The following MYO16 variants were observed in gnomAD, a reference collection of about 807,000 sequenced individuals.
MYO16 encodes the protein myosin XVI, also known as unconventional myosin-XVI.
A neutral mutation model predicts 205.3 loss-of-function variants in MYO16; 94 were observed. That is an observed-to-expected ratio of 0.46 (90% confidence interval 0.39 to 0.54). The LOEUF is 0.54. Ranked by LOEUF, MYO16 falls within the 20% of genes least tolerant of loss-of-function variation. The pLI is 0.00. For synonymous variants in MYO16, 988 were observed against 954.0 expected, an observed-to-expected ratio of 1.04 and a Z score of -0.66; for missense variants, 2,315 against 2,387.5, an observed-to-expected ratio of 0.97 and a Z score of 0.63.
chr13:109,073,649 G>A (rs1267028228), intron 27 of MYO16, among the ~76,000 whole-genome samples: 2 of 152,138 alleles, frequency 1.3e-5, no homozygotes, highest in African/African-American at 2.4e-5. Flanking sequence ...GACTGCCTAT[G>A]CTATGTATTA....
intron 9 of MYO16, among the ~76,000 whole-genome samples, chr13:108,833,451 C>T (rs1876729804): frequency 1.3e-5 from 2 of 152,076 alleles, no homozygotes; most frequent in African/African-American, 2.4e-5. Flanking sequence ...GTAGGAGTAA[C>T]GTTGAGAACT....
chr13:108,741,796 G>A (rs1460385769), intron 4 of MYO16, among the ~76,000 whole-genome samples: 2 of 152,148 alleles, frequency 1.3e-5, no homozygotes, highest in Non-Finnish European at 2.9e-5. Context: ...TTGAAGCCCA[G>A]TATACTTTAG....
At chr13:108,520,559 C>T in the MYO16 span, among the ~76,000 whole-genome samples, 1 of 152,218 alleles carries the variant, frequency 6.6e-6, no homozygotes, top group South Asian at 2.1e-4. Flanking sequence ...AAATATGGCA[C>T]ATTAAACAAA....
intron 1 of MYO16, among the ~76,000 whole-genome samples, chr13:108,596,844 A>T (rs1213668042): frequency 6.6e-6 from 1 of 152,214 alleles, no homozygotes; most frequent in African/African-American, 2.4e-5. Flanking sequence ...CGAAACAATC[A>T]CTACCATTTG....
chr13:108,895,789 C>T (rs755915791), intron 14 of MYO16, among the ~76,000 whole-genome samples: 4 of 152,132 alleles, frequency 2.6e-5, no homozygotes, highest in Non-Finnish European at 5.9e-5. Flanking sequence ...ACACATCACC[C>T]GTTAGAACAC....
intron 16 of MYO16, among the ~76,000 whole-genome samples, chr13:108,928,154 C>T (rs889576356): frequency 1.3e-5 from 2 of 152,120 alleles, no homozygotes; most frequent in Non-Finnish European, 2.9e-5. Context: ...GGAGCAGCTT[C>T]CATGAAAGAG....
intron 34 of MYO16, among the ~76,000 whole-genome samples, chr13:109,185,422 A>T (rs1420732164): frequency 2.0e-5 from 3 of 152,132 alleles, no homozygotes; most frequent in Non-Finnish European, 4.4e-5. Context: ...CTAAAAGCTT[A>T]CTTGCTCTTG....
chr13:109,020,482 C>A (rs1042798452), intron 23 of MYO16, among the ~76,000 whole-genome samples: 1 of 152,090 alleles, frequency 6.6e-6, no homozygotes, highest in African/African-American at 2.4e-5. Flanking sequence ...TTTTCCATAT[C>A]TTAACCTGCC....
At chr13:109,086,050 A>G (rs1289651780) in intron 27 of MYO16, among the ~76,000 whole-genome samples, 1 of 152,310 alleles carries the variant, frequency 6.6e-6, no homozygotes, top group South Asian at 2.1e-4. Context: ...TGAAAAATAG[A>G]TTTATAGAGA....
rs186419515 is a variant in MYO16 at position 108,830,972 on chromosome 13, T to C, written c.1097+7694T>C. Among the ~76,000 whole-genome samples, 82 of 152,274 alleles carry C rather than the reference T, an allele frequency of 5.4e-4. 1 individual carries two copies. Among genetic ancestry groups the C allele is most frequent in the African/African-American group, 1.9e-3 (81 of 41,566 alleles). On this transcript the variant is annotated intron_variant, in intron 9 of 34. Transcript: ENST00000457511. Reference sequence around the variant, plus strand: ...TCTTTACATCTGTTTCTGTTAGTAATAATATTTTTATTACAAATTCAAATT... The same window carrying C: ...TCTTTACATCTGTTTCTGTTAGTAACAATATTTTTATTACAAATTCAAATT...
the MYO16 span, among the ~76,000 whole-genome samples, chr13:108,544,268 A>G: frequency 5.3e-5 from 8 of 152,304 alleles, no homozygotes; most frequent in Admixed American, 4.6e-4. Context: ...TCCTTTAATC[A>G]GGAACAATCA....
chr13:108,989,186 C>T (rs1408859508), intron 20 of MYO16, among the ~76,000 whole-genome samples: 3 of 152,028 alleles, frequency 2.0e-5, no homozygotes, highest in Non-Finnish European at 4.4e-5. Context: ...TTTATTTTTC[C>T]TGTGGCTTAG....
chr13:108,789,280 TC>T (rs1237217912), intron 5 of MYO16, among the ~76,000 whole-genome samples: 1 of 152,196 alleles, frequency 6.6e-6, no homozygotes, highest in Non-Finnish European at 1.5e-5. Flanking sequence ...TTATTTGATA[TC>T]CTTCTAATAT....
At chr13:108,711,034 A>C (rs1594230755) in intron 2 of MYO16, among the ~76,000 whole-genome samples, 1 of 152,214 alleles carries the variant, frequency 6.6e-6, no homozygotes, top group South Asian at 2.1e-4. Flanking sequence ...TAGTGAGTAC[A>C]TGAGTTTGCA....
Position 109,207,982 on chromosome 13 carries a change from A to C in MYO16, c.*1146A>C, listed in dbSNP as rs1880676486. On this transcript the variant is annotated 3_prime_UTR_variant, in exon 35 of 35. Transcript: ENST00000457511. ...CCTTTGAAAAGTTACTGTGCCAATA[A>C]AGAGGTACAACTGTGTTCTTCTATT... The C allele has an allele frequency of 1.3e-5, 2 of 152,222 alleles. No homozygotes were observed. The highest frequency in any genetic ancestry group is 2.4e-5 in the African/African-American group (1 of 41,448). 9.4% of individuals were successfully genotyped at this position (152,222 alleles called of 1,614,324 possible). A position where few individuals can be genotyped will look rare whatever the true frequency, so the allele number is the denominator to read the frequency against.
At chr13:108,668,075 A>G (rs951295537) in intron 2 of MYO16, among the ~76,000 whole-genome samples, 1 of 152,200 alleles carries the variant, frequency 6.6e-6, no homozygotes, top group Non-Finnish European at 1.5e-5. Context: ...ATGTTTTAAA[A>G]TTTCTTGTAC....
intron 2 of MYO16, among the ~76,000 whole-genome samples, chr13:108,694,996 C>T (rs142165347): frequency 0.023 from 3,476 of 152,246 alleles, 130 homozygotes; most frequent in African/African-American, 0.079. Context: ...TCTGTAGTCC[C>T]AGCTACTCAG....
Position 108,910,297 on chromosome 13 carries a change from A to C in MYO16, c.1925+147A>C, listed in dbSNP as rs571818064. The C allele has an allele frequency of 1.8e-5, 15 of 833,028 alleles. No individual in the cohort carries two copies. In the Admixed American group the frequency reaches 3.0e-4, roughly 17 times the overall value. 51.6% of individuals were successfully genotyped at this position (833,028 alleles called of 1,614,324 possible). ...ATACTGTTAGGTTGAAACCATCCACATAACAAGGTTCCCACTGTTTCTTGA... is the reference window on the plus strand; with the variant it reads ...ATACTGTTAGGTTGAAACCATCCACCTAACAAGGTTCCCACTGTTTCTTGA... On this transcript the variant is annotated intron_variant, in intron 16 of 34. Transcript: ENST00000457511.
In MYO16 at chr13:109,127,680, C is replaced by A; in HGVS notation, c.4051+130C>A. ...AGAAATAAATCCAATTGTTGGCTTG[C>A]CAGCAGCTCTTAATCATTAAATATA... On this transcript the variant is annotated intron_variant, in intron 31 of 34. Coordinates refer to ENST00000457511, the MANE Select transcript of MYO16 (RefSeq NM_001198950.3). The surrounding 1 kb of genome is among the most constrained non-coding windows in gnomAD (Gnocchi z 4.2). 2 of 893,034 alleles carry A rather than the reference C, an allele frequency of 2.2e-6. No homozygotes were observed. The highest frequency in any genetic ancestry group is 1.7e-6 in the Non-Finnish European group (1 of 605,228). 55.3% of individuals were successfully genotyped at this position (893,034 alleles called of 1,614,324 possible).
Sources: gnomAD v4.1 joint callset for allele counts (sites outside exome capture counted in the v4.1 genomes callset) on GRCh38, gnomAD v4.1.1 for gene constraint, Gnocchi (gnomAD v3.1) non-coding constraint, MANE v1.5 for transcripts, NCBI Gene and HGNC (gene_info 2026-07-23, HGNC 2026-07-21) for gene names.